The following SPOCK1 variants were observed in gnomAD, a reference collection of about 807,000 sequenced individuals.
SPOCK1 encodes the protein testican-1.
Under a neutral mutation model 55.3 loss-of-function variants are expected in SPOCK1, and 23 were observed. The ratio of observed to expected loss-of-function variants is 0.42; its 90% CI spans 0.30 to 0.59. The LOEUF (loss-of-function observed/expected upper bound fraction) is 0.59, where lower values mean the gene tolerates loss of function less well. Ranked by LOEUF, SPOCK1 falls within the 20% of genes least tolerant of loss-of-function variation. SPOCK1 has a pLI of 0.22. For synonymous variants in SPOCK1, 226 were observed against 221.0 expected (o/e 1.02, Z -0.20); for missense variants, 499 against 552.5 (o/e 0.90, Z 0.97).
chr5:137,344,186 C>T (rs1233178156), intron 2 of SPOCK1, among the ~76,000 whole-genome samples: 1 of 152,210 alleles, frequency 6.6e-6, no homozygotes, highest in African/African-American at 2.4e-5. Flanking sequence ...TCCCATGCAC[C>T]AGGAGTCTGA....
intron 2 of SPOCK1, among the ~76,000 whole-genome samples, chr5:137,310,720 T>C (rs1757775839): frequency 6.6e-6 from 1 of 152,216 alleles, no homozygotes; most frequent in Admixed American, 6.5e-5. Context: ...ATGGACCTCA[T>C]CATTAATTGC....
At chr5:136,989,731 T>G (rs1377721602) in intron 7 of SPOCK1, among the ~76,000 whole-genome samples, 1 of 152,080 alleles carries the variant, frequency 6.6e-6, no homozygotes, top group Non-Finnish European at 1.5e-5. Context: ...CCTGACTTGA[T>G]CTTCCTGTCC....
chr5:137,173,783 T>C lies in SPOCK1; in HGVS notation c.233-33089A>G, dbSNP rs369294938. On this transcript the variant is annotated intron_variant, in intron 3 of 10. Coordinates refer to ENST00000394945, the MANE Select transcript of SPOCK1 (RefSeq NM_004598.4). ...TATCAAATCTCCTTAACCAGGGTAA[T>C]GACTCCTTCAGGGAAAAGTCTGAGC... is the stretch of plus-strand genomic sequence containing the variant. 1.1e-4 allele frequency among the ~76,000 whole-genome samples: 17 copies of C among 152,320 alleles called. No individual in the cohort carries two copies. The South Asian group carries it at 3.3e-3, about 30-fold the overall frequency.
At chr5:137,420,871 T>C (rs1336062072) in intron 2 of SPOCK1, among the ~76,000 whole-genome samples, 4 of 152,216 alleles carry the variant, frequency 2.6e-5, no homozygotes, top group Non-Finnish European at 5.9e-5. Context: ...CTTCTCTAGT[T>C]CTTTTAATTG....
chr5:137,473,495 T>G (rs4555792), intron 2 of SPOCK1, among the ~76,000 whole-genome samples: 151,759 of 152,314 alleles, frequency 1, 75,603 homozygotes, highest in Middle Eastern at 1. Context: ...GTGGGCAGGA[T>G]AAACAGGGTG....
chr5:137,207,935 A>T (rs1162359711), intron 3 of SPOCK1, among the ~76,000 whole-genome samples: 2 of 152,194 alleles, frequency 1.3e-5, no homozygotes, highest in African/African-American at 4.8e-5. Context: ...TTAAAAAATC[A>T]GAAATTTCAT....
At chr5:137,051,691 C>T (rs1057015805) in intron 6 of SPOCK1, among the ~76,000 whole-genome samples, 3 of 151,884 alleles carry the variant, frequency 2.0e-5, no homozygotes, top group African/African-American at 7.3e-5. Flanking sequence ...AAAAGAATAA[C>T]CTGAGAAACT....
At chr5:137,291,825 A>G (rs1319323076) in intron 2 of SPOCK1, among the ~76,000 whole-genome samples, 1 of 152,202 alleles carries the variant, frequency 6.6e-6, no homozygotes, top group Non-Finnish European at 1.5e-5. Context: ...CAGGCTGGCC[A>G]CTGTGAGCTC....
At chr5:137,470,761 C>T (rs879692770) in intron 2 of SPOCK1, among the ~76,000 whole-genome samples, 1 of 152,150 alleles carries the variant, frequency 6.6e-6, no homozygotes, top group Non-Finnish European at 1.5e-5. Flanking sequence ...AAACAGTAAA[C>T]AGCAAAAAAT....
At chr5:137,468,308 G>A (rs1054874713) in intron 2 of SPOCK1, among the ~76,000 whole-genome samples, 6 of 152,142 alleles carry the variant, frequency 3.9e-5, no homozygotes, top group African/African-American at 1.4e-4. Flanking sequence ...TTTGATTCCC[G>A]TGCTTAAAGG....
intron 2 of SPOCK1, among the ~76,000 whole-genome samples, chr5:137,398,920 A>G (rs1193476729): frequency 6.6e-6 from 1 of 152,182 alleles, no homozygotes; most frequent in Non-Finnish European, 1.5e-5. Context: ...CACCACGCCA[A>G]TTGGATTTTC....
chr5:137,145,080 C>A (rs1754167616), intron 3 of SPOCK1, among the ~76,000 whole-genome samples: 1 of 152,176 alleles, frequency 6.6e-6, no homozygotes, highest in South Asian at 2.1e-4. Flanking sequence ...ATCTTTCCCA[C>A]CTATATGCAG....
chr5:137,436,989 A>T (rs1752879127), intron 2 of SPOCK1, among the ~76,000 whole-genome samples: 1 of 152,302 alleles, frequency 6.6e-6, no homozygotes, highest in African/African-American at 2.4e-5. Context: ...GGAATGAATG[A>T]GTGACGAATG....
At chr5:137,152,414 G>A (rs774185986) in intron 3 of SPOCK1, among the ~76,000 whole-genome samples, 3 of 152,088 alleles carry the variant, frequency 2.0e-5, no homozygotes, top group Non-Finnish European at 2.9e-5. Flanking sequence ...CATAAATCAG[G>A]GCTTAACTGC....
At position 137,169,320 on chromosome 5, in the gene SPOCK1, A is replaced by G. The variant is rs149596034; in HGVS notation, c.233-28626T>C. On this transcript the variant is annotated intron_variant, in intron 3 of 10. Coordinates refer to ENST00000394945, the MANE Select transcript of SPOCK1 (RefSeq NM_004598.4). ...CAAAAAAATTAATTGTACATTTAAA[A>G]TAACTAAAAGAGCATAATTGGATTG... 9.9e-4 allele frequency among the ~76,000 whole-genome samples: 151 copies of G among 152,320 alleles called. 4 individuals are homozygous for G. The Middle Eastern group carries it at 0.024, about 24-fold the overall frequency.
At chr5:137,196,655 A>C (rs1313060238) in intron 3 of SPOCK1, among the ~76,000 whole-genome samples, 1 of 152,242 alleles carries the variant, frequency 6.6e-6, no homozygotes, top group Non-Finnish European at 1.5e-5. Flanking sequence ...CAACTATATC[A>C]GATCTTGCTT....
intron 2 of SPOCK1, among the ~76,000 whole-genome samples, chr5:137,477,254 T>C (rs1177527921): frequency 2.0e-5 from 3 of 152,238 alleles, no homozygotes; most frequent in Admixed American, 6.5e-5. Context: ...TGTGTGGATA[T>C]ATAAATGTAT....
chr5:137,366,479 C>G (rs1751066025), intron 2 of SPOCK1, among the ~76,000 whole-genome samples: 1 of 152,122 alleles, frequency 6.6e-6, no homozygotes, highest in East Asian at 1.9e-4. Flanking sequence ...TGTGACCACC[C>G]CACCAAAAAG....
At chr5:137,433,892 CA>C (rs1220194977) in intron 2 of SPOCK1, among the ~76,000 whole-genome samples, 2 of 151,416 alleles carry the variant, frequency 1.3e-5, no homozygotes, top group African/African-American at 2.4e-5. Flanking sequence ...GAGACCCAAT[CA>C]AAAAAAAGTA....
Sources: gnomAD v4.1 joint callset for allele counts (sites outside exome capture counted in the v4.1 genomes callset) on GRCh38, gnomAD v4.1.1 for gene constraint, MANE v1.5 for transcripts, NCBI Gene and HGNC (gene_info 2026-07-23, HGNC 2026-07-21) for gene names.